The following NELL2 variants were observed in gnomAD, a reference collection of about 807,000 sequenced individuals.
The protein encoded by NELL2 is neural EGFL like 2, also known as protein kinase C-binding protein NELL2.
A neutral mutation model predicts 109.6 loss-of-function variants in NELL2; 41 were observed. That is an observed-to-expected ratio of 0.37 (90% confidence interval 0.29 to 0.49). The LOEUF (loss-of-function observed/expected upper bound fraction) is 0.49, where lower values mean the gene tolerates loss of function less well. Among genes scored for constraint, NELL2 ranks in the 20% least tolerant of loss-of-function variants. NELL2 has a pLI of 0.98. For synonymous variants in NELL2, 355 were observed against 344.7 expected, an observed-to-expected ratio of 1.03 and a Z score of -0.33; for missense variants, 900 against 1,008.3, an observed-to-expected ratio of 0.89 and a Z score of 1.45.
intron 13 of NELL2, among the ~76,000 whole-genome samples, chr12:44,626,776 G>A (rs571528301): frequency 2.6e-4 from 40 of 152,104 alleles, no homozygotes; most frequent in South Asian, 6.2e-4. Flanking sequence ...TTAATAAGTC[G>A]CAGAATTAAT....
At chr12:44,835,963 G>A (rs1251121774) in intron 2 of NELL2, among the ~76,000 whole-genome samples, 2 of 152,206 alleles carry the variant, frequency 1.3e-5, no homozygotes, top group African/African-American at 4.8e-5. Context: ...ACGAAGTATG[G>A]CATATTCATC....
chr12:44,528,127 A>C lies in NELL2; in HGVS notation c.1804+4454T>G, dbSNP rs969992856. Reference sequence around the variant, plus strand: ...AAAAAAAAAAAAAAAAAAAAAAAAAAGAATCCTTCAGAGCATGTTGTACTC... The same window carrying C: ...AAAAAAAAAAAAAAAAAAAAAAAAACGAATCCTTCAGAGCATGTTGTACTC... On this transcript the variant is annotated intron_variant, in intron 16 of 19. Coordinates refer to ENST00000429094, the MANE Select transcript of NELL2 (RefSeq NM_001145108.2). Among the ~76,000 whole-genome samples, 5 of 144,616 alleles carry C rather than the reference A, an allele frequency of 3.5e-5. No homozygotes were observed. In the South Asian group the frequency reaches 1.1e-3, roughly 31 times the overall value. The allele number at this position is 144,616 out of a possible 152,430, so 94.9% of individuals were successfully genotyped here. A position where few individuals can be genotyped will look rare whatever the true frequency, so the allele number is the denominator to read the frequency against.
chr12:44,869,756 A>G (rs1945110917), intron 2 of NELL2, among the ~76,000 whole-genome samples: 2 of 152,178 alleles, frequency 1.3e-5, no homozygotes, highest in Non-Finnish European at 2.9e-5. Flanking sequence ...CACTAGCAAA[A>G]TATTTTCTAG....
intron 2 of NELL2, among the ~76,000 whole-genome samples, chr12:44,819,739 T>C (rs1231249549): frequency 6.6e-6 from 1 of 152,138 alleles, no homozygotes; most frequent in Non-Finnish European, 1.5e-5. Flanking sequence ...TCTTCCTGTT[T>C]TGCTACCTCT....
At chr12:44,882,223 T>C (rs1027436370) in intron 1 of NELL2, among the ~76,000 whole-genome samples, 1 of 151,796 alleles carries the variant, frequency 6.6e-6, no homozygotes, top group Non-Finnish European at 1.5e-5. Flanking sequence ...TTAAAAAATA[T>C]ACTATTCTTG....
chr12:44,856,318 G>A (rs1306156569), intron 2 of NELL2, among the ~76,000 whole-genome samples: 2 of 152,146 alleles, frequency 1.3e-5, no homozygotes, highest in Non-Finnish European at 2.9e-5. Flanking sequence ...AAAAATCCCT[G>A]CCCGCATGCA....
chr12:44,542,673 A>C (rs1942630075), intron 15 of NELL2, among the ~76,000 whole-genome samples: 1 of 152,220 alleles, frequency 6.6e-6, no homozygotes, highest in Non-Finnish European at 1.5e-5. Context: ...AGCCTGGTGA[A>C]GAATGTAAAT....
chr12:44,688,219 A>G (rs891007605), intron 12 of NELL2, among the ~76,000 whole-genome samples: 1 of 152,182 alleles, frequency 6.6e-6, no homozygotes, highest in African/African-American at 2.4e-5. Context: ...TCTGGAAATA[A>G]CCCATGGTAA....
At chr12:44,868,970 T>C (rs1369215683) in intron 2 of NELL2, among the ~76,000 whole-genome samples, 1 of 152,208 alleles carries the variant, frequency 6.6e-6, no homozygotes, top group Non-Finnish European at 1.5e-5. Flanking sequence ...TTCAAAATAT[T>C]GTGTTGTACA....
intron 12 of NELL2, among the ~76,000 whole-genome samples, chr12:44,697,394 T>C (rs1948352158): frequency 1.3e-5 from 2 of 152,068 alleles, no homozygotes; most frequent in South Asian, 4.2e-4. Context: ...GATACGCCAA[T>C]GAGTCTACCA....
At chr12:44,572,354 T>G (rs1385151697) in intron 15 of NELL2, among the ~76,000 whole-genome samples, 1 of 152,146 alleles carries the variant, frequency 6.6e-6, no homozygotes, top group Non-Finnish European at 1.5e-5. Flanking sequence ...CTCCCTATGT[T>G]GCAGAGACTG....
intron 12 of NELL2, among the ~76,000 whole-genome samples, chr12:44,667,735 A>G (rs1034609761): frequency 6.6e-6 from 1 of 152,236 alleles, no homozygotes; most frequent in African/African-American, 2.4e-5. Flanking sequence ...CCTCTGAGGC[A>G]TGGGAGAGAG....
At chr12:44,688,799 T>C (rs746934836) in intron 12 of NELL2, among the ~76,000 whole-genome samples, 2 of 152,226 alleles carry the variant, frequency 1.3e-5, no homozygotes, top group Non-Finnish European at 2.9e-5. Context: ...TGTATTCACA[T>C]ACTAGAATGA....
chr12:44,678,941 A>G (rs1948407459), intron 12 of NELL2, among the ~76,000 whole-genome samples: 1 of 152,118 alleles, frequency 6.6e-6, no homozygotes, highest in Non-Finnish European at 1.5e-5. Context: ...AAAAATCATT[A>G]CATTAAGAGA....
chr12:44,751,282 AATTAAGTTG>A (rs1194657086), intron 9 of NELL2, among the ~76,000 whole-genome samples: 4 of 152,146 alleles, frequency 2.6e-5, no homozygotes, highest in African/African-American at 9.7e-5. Flanking sequence ...TTTATAGACT[AATTAAGTTG>A]GTTTTTCCGT....
intron 9 of NELL2, among the ~76,000 whole-genome samples, chr12:44,739,035 T>G (rs1355808833): frequency 6.6e-6 from 1 of 152,198 alleles, no homozygotes; most frequent in East Asian, 1.9e-4. Context: ...TCCACCACCA[T>G]TCACACACAT....
chr12:44,669,230 T>G (rs563184938), intron 12 of NELL2, among the ~76,000 whole-genome samples: 1 of 151,662 alleles, frequency 6.6e-6, no homozygotes, highest in Admixed American at 6.6e-5. Flanking sequence ...TACGTACACA[T>G]CTATAGAAAA....
chr12:44,668,474 A>G (rs1220861491), intron 12 of NELL2, among the ~76,000 whole-genome samples: 1 of 152,034 alleles, frequency 6.6e-6, no homozygotes, highest in Non-Finnish European at 1.5e-5. Context: ...GGACCTGAGG[A>G]TTGATCCATC....
chr12:44,921,662 G>A (rs578114015), intron 1 of NELL2: 22 of 152,160 alleles, frequency 1.4e-4, no homozygotes, highest in Non-Finnish European at 2.8e-4. Flanking sequence ...AAGTGCTAAT[G>A]GAGTTCAAAA....
Sources: gnomAD v4.1 joint callset for allele counts (sites outside exome capture counted in the v4.1 genomes callset) on GRCh38, gnomAD v4.1.1 for gene constraint, MANE v1.5 for transcripts, NCBI Gene and HGNC (gene_info 2026-07-23, HGNC 2026-07-21) for gene names.